Variants in CYTIP observed in about 807,000 individuals in gnomAD.
The protein encoded by CYTIP is cytohesin-interacting protein.
CYTIP carries 26 observed loss-of-function variants against 43.8 expected under a neutral mutation model. That is an observed-to-expected ratio of 0.59 (90% CI 0.44 to 0.82). CYTIP has a LOEUF of 0.82. Ranked by LOEUF, CYTIP falls within the 40% of genes least tolerant of loss-of-function variation. The probability of loss-of-function intolerance (pLI) is 0.00; values close to 1 mark genes in which losing one functional copy is unlikely to be tolerated. For missense variants in CYTIP, 426 were observed against 443.1 expected (o/e 0.96, Z 0.35); for synonymous variants, 162 against 162.9 (o/e 0.99, Z 0.04).
At chr2:157,416,897 C>A (rs1481217917) in intron 7 of CYTIP, among the ~76,000 whole-genome samples, 1 of 151,988 alleles carries the variant, frequency 6.6e-6, no homozygotes, top group Non-Finnish European at 1.5e-5. Flanking sequence ...GCTCTTCAAA[C>A]TCTAATGTTA....
chr2:157,423,331 A>T (rs1685553841), intron 6 of CYTIP, among the ~76,000 whole-genome samples: 1 of 152,060 alleles, frequency 6.6e-6, no homozygotes, highest in African/African-American at 2.4e-5. Flanking sequence ...AAAGTGGTAC[A>T]AACTGCAAGA....
chr2:157,430,799 C>G (rs1685700177), intron 4 of CYTIP, 61 bp downstream of exon 4: 2 of 1,521,780 alleles, frequency 1.3e-6, no homozygotes, highest in East Asian at 2.3e-5. Context: ...CCTTCACTCT[C>G]AAAACATTTT....
chr2:157,418,033 G>A lies in CYTIP; in HGVS notation c.613+490C>T, dbSNP rs547494361. ...GCATTTACTGTTGTATTCATCTTAC[G>A]CATTTATGTCTTTGTCTTGGGGGCC... On this transcript the variant is annotated intron_variant, in intron 7 of 7. Transcript: ENST00000264192. Among the ~76,000 whole-genome samples, 27 of 152,216 alleles carry A rather than the reference G, an allele frequency of 1.8e-4. 1 individual carries two copies. In the South Asian group the frequency reaches 5.4e-3, roughly 30 times the overall value.
At chr2:157,440,054 T>G (rs1050426642) in intron 1 of CYTIP, among the ~76,000 whole-genome samples, 1 of 152,174 alleles carries the variant, frequency 6.6e-6, no homozygotes, top group Non-Finnish European at 1.5e-5. Context: ...TGGTCCCCAC[T>G]CTATATACTC....
chr2:157,416,423 C>A (rs981299066), intron 7 of CYTIP, among the ~76,000 whole-genome samples: 1 of 152,076 alleles, frequency 6.6e-6, no homozygotes, highest in Admixed American at 6.6e-5. Flanking sequence ...GAGAACAGTT[C>A]AGCCCAATTG....
At chr2:157,430,250 A>G (rs934099351) in intron 5 of CYTIP, among the ~76,000 whole-genome samples, 7 of 152,134 alleles carry the variant, frequency 4.6e-5, no homozygotes, top group African/African-American at 1.7e-4. Flanking sequence ...AGTTCTTCCC[A>G]GTTTAAAGAG....
intron 3 of CYTIP, among the ~76,000 whole-genome samples, chr2:157,432,638 T>C (rs1685729651): frequency 6.6e-6 from 1 of 152,174 alleles, no homozygotes; most frequent in South Asian, 2.1e-4. Context: ...ACGATTCTGA[T>C]AAGCAGCATA....
At chr2:157,428,587 T>C (rs928691345) in intron 5 of CYTIP, among the ~76,000 whole-genome samples, 3 of 152,170 alleles carry the variant, frequency 2.0e-5, no homozygotes, top group Non-Finnish European at 4.4e-5. Flanking sequence ...CTGTCTCCCA[T>C]TTTCCCGGAT....
chr2:157,431,206 A>G (rs192852579), intron 3 of CYTIP, among the ~76,000 whole-genome samples: 172 of 152,342 alleles, frequency 1.1e-3, no homozygotes, highest in Admixed American at 4.9e-3. Context: ...TCAAGATTTT[A>G]TATTTTCAAG....
chr2:157,431,488 C>G (rs1685713818), intron 3 of CYTIP, among the ~76,000 whole-genome samples: 1 of 152,196 alleles, frequency 6.6e-6, no homozygotes, highest in South Asian at 2.1e-4. Context: ...ACCTTCATTT[C>G]TGAGCACCCT....
chr2:157,423,300 A>G (rs1339778355), intron 6 of CYTIP, among the ~76,000 whole-genome samples: 1 of 152,026 alleles, frequency 6.6e-6, no homozygotes, highest in Non-Finnish European at 1.5e-5. Context: ...AAGAGTTATC[A>G]AGAAAAAAAA....
At position 157,434,453 on chromosome 2, in the gene CYTIP, T is replaced by A. The variant is rs758466322; in HGVS notation, c.225-29A>T. Reference sequence around the variant, plus strand: ...TAATAAAAATGTTTAAAAAAGAAACTGCATGAAAATTAAAGTATCACATTT... The same window carrying A: ...TAATAAAAATGTTTAAAAAAGAAACAGCATGAAAATTAAAGTATCACATTT... On this transcript the variant is annotated intron_variant, in intron 2 of 7. Transcript: ENST00000264192. 9 of 1,532,498 alleles carry A rather than the reference T, an allele frequency of 5.9e-6. No individual in the cohort carries two copies. In the African/African-American group the frequency reaches 1.2e-4, roughly 21 times the overall value. 94.9% of individuals were successfully genotyped at this position (1,532,498 alleles called of 1,614,324 possible). A position where few individuals can be genotyped will look rare whatever the true frequency, so the allele number is the denominator to read the frequency against.
intron 7 of CYTIP, among the ~76,000 whole-genome samples, chr2:157,418,117 C>T (rs973065324): frequency 6.6e-6 from 1 of 152,200 alleles, no homozygotes; most frequent in Non-Finnish European, 1.5e-5. Context: ...AAGACAGGAG[C>T]TCTACCCAAT....
intron 6 of CYTIP, among the ~76,000 whole-genome samples, chr2:157,422,573 G>A (rs1276468832): frequency 2.6e-5 from 4 of 151,758 alleles, no homozygotes; most frequent in African/African-American, 9.7e-5. Flanking sequence ...AGGAGGCTGA[G>A]GCAGGAGAAT....
At chr2:157,435,193 A>C (rs16841777) in intron 1 of CYTIP, among the ~76,000 whole-genome samples, 7,907 of 152,232 alleles carry the variant, frequency 0.052, 446 homozygotes, top group African/African-American at 0.14. Flanking sequence ...AAATCCAAAG[A>C]AAAATAGCAT....
intron 6 of CYTIP, among the ~76,000 whole-genome samples, chr2:157,424,121 G>A (rs1558938025): frequency 6.6e-6 from 1 of 152,152 alleles, no homozygotes; most frequent in African/African-American, 2.4e-5. Flanking sequence ...CGCCTAAGCT[G>A]TGAAGCAAAG....
intron 6 of CYTIP, among the ~76,000 whole-genome samples, chr2:157,419,146 G>A (rs563324993): frequency 1.3e-5 from 2 of 152,172 alleles, no homozygotes; most frequent in African/African-American, 4.8e-5. Context: ...TTACAGGCAC[G>A]CCCCACCATG....
intron 5 of CYTIP, among the ~76,000 whole-genome samples, chr2:157,429,879 C>T (rs747405073): frequency 4.0e-5 from 6 of 151,812 alleles, no homozygotes; most frequent in Non-Finnish European, 7.4e-5. Context: ...AAAAATTAGC[C>T]GGGCATGGTG....
rs1685705560 is a variant in CYTIP at position 157,430,953 on chromosome 2, G to A, written c.289C>T (p.Pro97Ser). 1 of 1,611,968 alleles carries A rather than the reference G, an allele frequency of 6.2e-7. No homozygotes were observed. The highest frequency in any genetic ancestry group is 8.5e-7 in the Non-Finnish European group (1 of 1,179,214). The change falls in exon 4 of 8, where the codon CCC (proline) becomes TCC (serine). Residue 97 changes from proline to serine, a missense_variant. Pro to Ser is a moderately conservative substitution (Grantham distance 74). Coordinates refer to ENST00000264192, the MANE Select transcript of CYTIP (RefSeq NM_004288.5). ...TFGFEIQSYR[P>S]QNQNACSSEM... ...GAGGAGCAGGCATTCTGATTCTGGG[G>A]CCTGTAAGACTGTAAAAATTAAGAT...
Sources: allele counts gnomAD v4.1 joint callset (sites outside exome capture counted in the v4.1 genomes callset), GRCh38; gene constraint gnomAD v4.1.1; transcripts MANE v1.5; gene names NCBI Gene and HGNC (gene_info 2026-07-23, HGNC 2026-07-21).